Variants in OGFOD3 observed in about 807,000 individuals in gnomAD.
The protein encoded by OGFOD3 is 2-oxoglutarate and iron-dependent oxygenase domain-containing protein 3.
OGFOD3 carries 35 observed loss-of-function variants against 39.8 expected under a neutral mutation model. The ratio of observed to expected loss-of-function variants is 0.88; its 90% CI spans 0.67 to 1.17. The LOEUF (loss-of-function observed/expected upper bound fraction) is 1.17, where lower values mean the gene tolerates loss of function less well. Among genes scored for constraint, OGFOD3 ranks in the 50% most tolerant of loss-of-function variants. The pLI, the probability that OGFOD3 is intolerant of heterozygous loss-of-function variation, is 0.00. For missense variants in OGFOD3, 438 were observed against 454.5 expected (o/e 0.96, Z 0.33); for synonymous variants, 200 against 192.0 (o/e 1.04, Z -0.34).
chr17:82,398,765 C>T (rs1275706444), intron 7 of OGFOD3, among the ~76,000 whole-genome samples: 1 of 151,676 alleles, frequency 6.6e-6, no homozygotes, highest in Non-Finnish European at 1.5e-5. Context: ...AGTGCAGTCA[C>T]AGCACTGTCA....
In OGFOD3 at chr17:82,391,058, G is replaced by A. The variant is rs2052592083; in HGVS notation, c.*1340C>T. On this transcript the variant is annotated 3_prime_UTR_variant, in exon 9 of 9. Transcript: ENST00000313056. This position sits in a 1 kb window ranked among gnomAD's most constrained non-coding sequence, Gnocchi z 5.1. ...AGGGAACATGGATCTATGCCAGACA[G>A]GCTAAGGGAGGAGGGACCGAGGCAG... The A allele has an allele frequency of 6.3e-6, 1 of 159,340 alleles. No individual in the cohort carries two copies. The highest frequency in any genetic ancestry group is 2.4e-5 in the African/African-American group (1 of 41,488). The allele number at this position is 159,340 out of a possible 1,614,324, so 9.9% of individuals were successfully genotyped here. A position where few individuals can be genotyped will look rare whatever the true frequency, so the allele number is the denominator to read the frequency against.
chr17:82,413,353 G>A (rs909970364), intron 2 of OGFOD3, among the ~76,000 whole-genome samples: 23 of 152,112 alleles, frequency 1.5e-4, no homozygotes, highest in South Asian at 2.1e-4. Context: ...TGACACACGT[G>A]GCAACCAAAG....
intron 4 of OGFOD3, among the ~76,000 whole-genome samples, chr17:82,408,944 T>G (rs144201546): frequency 1.3e-5 from 2 of 152,216 alleles, no homozygotes; most frequent in African/African-American, 4.8e-5. Context: ...AGCTAGGAAG[T>G]TGCAGGATGC....
intron 4 of OGFOD3, among the ~76,000 whole-genome samples, chr17:82,408,564 G>A (rs1224667957): frequency 1.3e-5 from 2 of 151,386 alleles, no homozygotes; most frequent in African/African-American, 4.8e-5. Context: ...CAGTTCTAGA[G>A]CCCAGGAGTC....
At chr17:82,398,495 G>C (rs1195216115) in intron 7 of OGFOD3, among the ~76,000 whole-genome samples, 176 bp from the exon 8 acceptor site, 1 of 152,290 alleles carries the variant, frequency 6.6e-6, no homozygotes, top group East Asian at 1.9e-4. Flanking sequence ...CGCCTCCCAG[G>C]TTCAAGCAAT....
chr17:82,405,449 C>T, intron 5 of OGFOD3, 69 bp from the exon 6 acceptor site: 1 of 1,301,450 alleles, frequency 7.7e-7, no homozygotes, highest in Non-Finnish European at 1.1e-6. Flanking sequence ...CCTTTCAGTT[C>T]AGCCATTCCT....
Position 82,418,396 on chromosome 17 carries a change from C to G in OGFOD3, c.74+16G>C, listed in dbSNP as rs950581829. On this transcript the variant is annotated intron_variant, in intron 1 of 8. Coordinates refer to ENST00000313056, the MANE Select transcript of OGFOD3 (RefSeq NM_024648.3). ...TCCGCCGCCGCAGCGCGCGCCCTTCCCCTCCTCACCGCTACCTGCTCCGGT... is the reference window on the plus strand; with the variant it reads ...TCCGCCGCCGCAGCGCGCGCCCTTCGCCTCCTCACCGCTACCTGCTCCGGT... 2 of 1,472,800 alleles carry G rather than the reference C, an allele frequency of 1.4e-6. No homozygotes were observed. The highest frequency in any genetic ancestry group is 9.0e-7 in the Non-Finnish European group (1 of 1,115,644). The allele number at this position is 1,472,800 out of a possible 1,614,324, so 91.2% of individuals were successfully genotyped here.
At position 82,418,477 on chromosome 17, in the gene OGFOD3, A is replaced by T; in HGVS notation, c.9T>A (p.Pro3=). The T allele has an allele frequency of 6.8e-7, 1 of 1,463,678 alleles. No individual in the cohort carries two copies. The highest frequency in any genetic ancestry group is 1.3e-5 in the South Asian group (1 of 77,346). The allele number at this position is 1,463,678 out of a possible 1,614,324, so 90.7% of individuals were successfully genotyped here. The change falls in exon 1 of 9, where the codon CCT becomes CCA. Residue 3 remains proline (P), a synonymous_variant. Coordinates refer to ENST00000313056, the MANE Select transcript of OGFOD3 (RefSeq NM_024648.3). MA[P]QRRAATKAPE... is the part of the protein sequence containing the mutation. ...GCGCCTTGGTTGCGGCCCTCCGCTG[A>T]GGAGCCATCGGACCAGGCCGCCGCG...
chr17:82,402,189 C>T (rs1236973581), intron 7 of OGFOD3, among the ~76,000 whole-genome samples: 2 of 152,142 alleles, frequency 1.3e-5, no homozygotes, highest in Admixed American at 1.3e-4. Context: ...AATCCCAGCA[C>T]TTTGGGAGGC....
chr17:82,406,328 G>T lies in OGFOD3; in HGVS notation c.488+90C>A. 8.4e-7 allele frequency: 1 copy of T among 1,195,182 alleles called. No homozygotes were observed. Among genetic ancestry groups the T allele is most frequent in the Non-Finnish European group, 1.2e-6 (1 of 806,644 alleles). 74.0% of individuals were successfully genotyped at this position (1,195,182 alleles called of 1,614,324 possible). A position where few individuals can be genotyped will look rare whatever the true frequency, so the allele number is the denominator to read the frequency against. The stretch of plus-strand genomic sequence containing the variant: ...CACCGAGCCGGATCCTCCCTCACAT[G>T]TCCACGTGTCCACATGTCCATGGCT... On this transcript the variant is annotated intron_variant, in intron 5 of 8. Transcript: ENST00000313056. This position sits in a 1 kb window ranked among gnomAD's most constrained non-coding sequence, Gnocchi z 5.2.
chr17:82,398,017 G>A lies in OGFOD3; in HGVS notation c.823+179C>T, dbSNP rs114221222. 3.0e-3 allele frequency among the ~76,000 whole-genome samples: 450 copies of A among 152,218 alleles called. 5 individuals carry two copies. Among genetic ancestry groups the A allele is most frequent in the African/African-American group, 9.8e-3 (409 of 41,524 alleles). ...ACGGTGACCTCAGACATGTGGCCCC[G>A]TAGACACCAGCCTCCTGGGTGTTGG... On this transcript the variant is annotated intron_variant, in intron 8 of 8. Transcript: ENST00000313056.
At chr17:82,395,428 C>T (rs1388669330) in intron 8 of OGFOD3, among the ~76,000 whole-genome samples, 1 of 152,180 alleles carries the variant, frequency 6.6e-6, no homozygotes, top group Non-Finnish European at 1.5e-5. Context: ...CAGTGAGTCA[C>T]TGGACCTAAA....
intron 3 of OGFOD3, 77 bp downstream of exon 3, chr17:82,411,378 A>T (rs910791862): frequency 7.5e-7 from 1 of 1,333,552 alleles, no homozygotes; most frequent in African/African-American, 1.4e-5. Flanking sequence ...TATTACTAAC[A>T]ATGCTCTGCT....
At chr17:82,411,939 C>CA (rs2052951091) in intron 2 of OGFOD3, among the ~76,000 whole-genome samples, 2 of 152,040 alleles carry the variant, frequency 1.3e-5, no homozygotes, top group African/African-American at 2.4e-5. Context: ...CCTCCTGAGA[C>CA]CACCAGGGAG....
At chr17:82,396,030 C>T (rs190924987) in intron 8 of OGFOD3, among the ~76,000 whole-genome samples, 190 of 150,552 alleles carry the variant, frequency 1.3e-3, no homozygotes, top group Admixed American at 5.2e-3. Flanking sequence ...TGTATGACAT[C>T]AAATCACAGG....
At chr17:82,401,029 C>A (rs931403406) in intron 7 of OGFOD3, 2 of 152,024 alleles carry the variant, frequency 1.3e-5, no homozygotes, top group African/African-American at 4.8e-5. Context: ...AAAGTGGTTA[C>A]GGCAAAGCGG....
rs2053023259 is a variant in OGFOD3, at chr17:82,415,770, C to T, written c.75-143G>A. Reference sequence around the variant, plus strand: ...ACGAGGGCTTCCTGCCTGGGGCCAGCGCTGTCCACTCAGGAAACACGGACT... The same window carrying T: ...ACGAGGGCTTCCTGCCTGGGGCCAGTGCTGTCCACTCAGGAAACACGGACT... On this transcript the variant is annotated intron_variant, in intron 1 of 8. Coordinates refer to ENST00000313056, the MANE Select transcript of OGFOD3 (RefSeq NM_024648.3). This position sits in a 1 kb window ranked among gnomAD's most constrained non-coding sequence, Gnocchi z 5.3. 2 of 680,988 alleles carry T rather than the reference C, an allele frequency of 2.9e-6. No individual in the cohort carries two copies. The highest frequency in any genetic ancestry group is 2.9e-5 in the Admixed American group (1 of 34,130). 42.2% of individuals were successfully genotyped at this position (680,988 alleles called of 1,614,324 possible).
chr17:82,394,858 C>G (rs1158018843), intron 8 of OGFOD3, among the ~76,000 whole-genome samples: 1 of 152,156 alleles, frequency 6.6e-6, no homozygotes, highest in African/African-American at 2.4e-5. Flanking sequence ...ACCCTGGACA[C>G]CAAGGCTCGG....
chr17:82,389,361 C>A lies in OGFOD3; in HGVS notation c.*3037G>T, dbSNP rs1411240379. On this transcript the variant is annotated 3_prime_UTR_variant, in exon 9 of 9. Coordinates refer to ENST00000313056, the MANE Select transcript of OGFOD3 (RefSeq NM_024648.3). The surrounding 1 kb of genome is among the most constrained non-coding windows in gnomAD (Gnocchi z 4.6). Reference sequence around the variant, plus strand: ...TAGCGGAACCAATCACCCCTCGTGGCTCCTGGAACAGCCTCACGTCGGCCA... The same window carrying A: ...TAGCGGAACCAATCACCCCTCGTGGATCCTGGAACAGCCTCACGTCGGCCA... 2 of 152,274 alleles carry A rather than the reference C, an allele frequency of 1.3e-5. No individual in the cohort carries two copies. The highest frequency in any genetic ancestry group is 6.5e-5 in the Admixed American group (1 of 15,280). The allele number at this position is 152,274 out of a possible 1,614,324, so 9.4% of individuals were successfully genotyped here. A position where few individuals can be genotyped will look rare whatever the true frequency, so the allele number is the denominator to read the frequency against.
Sources: allele counts gnomAD v4.1 joint callset (sites outside exome capture counted in the v4.1 genomes callset), GRCh38; gene constraint gnomAD v4.1.1; non-coding constraint Gnocchi (gnomAD v3.1); transcripts MANE v1.5; gene names NCBI Gene and HGNC (gene_info 2026-07-23, HGNC 2026-07-21).